Variants in PPARGC1B observed in about 807,000 individuals in gnomAD.
PPARGC1B encodes the protein PPARG coactivator 1 beta, also known as peroxisome proliferator-activated receptor gamma coactivator 1-beta.
Under a neutral mutation model 101.6 loss-of-function variants are expected in PPARGC1B, and 34 were observed. The ratio of observed to expected loss-of-function variants is 0.33; its 90% CI spans 0.25 to 0.45. PPARGC1B has a LOEUF of 0.45. Ranked by LOEUF, PPARGC1B falls within the 20% of genes least tolerant of loss-of-function variation. The pLI is 1.00. For synonymous variants in PPARGC1B, 548 were observed against 539.3 expected (o/e 1.02, Z -0.22); for missense variants, 1,234 against 1,317.6 (o/e 0.94, Z 0.98).
intron 1 of PPARGC1B, among the ~76,000 whole-genome samples, chr5:149,814,903 G>A (rs1757995879): frequency 1.3e-5 from 2 of 152,236 alleles, no homozygotes; most frequent in Admixed American, 1.3e-4. Flanking sequence ...ACGTTGAGGG[G>A]CCAGAGAGGC....
In PPARGC1B at chr5:149,854,729, T is replaced by G. The variant is rs1215856557; in HGVS notation, c.*7171T>G. Reference sequence around the variant, plus strand: ...TCTGGTGTGATTTCTCTGTCTTACCTTCTAAATGAGAAAATGTTTTCTTGT... The same window carrying G: ...TCTGGTGTGATTTCTCTGTCTTACCGTCTAAATGAGAAAATGTTTTCTTGT... On this transcript the variant is annotated 3_prime_UTR_variant, in exon 12 of 12. Coordinates refer to ENST00000309241, the MANE Select transcript of PPARGC1B (RefSeq NM_133263.4). 4 of 152,228 alleles carry G rather than the reference T, an allele frequency of 2.6e-5. No homozygotes were observed. The highest frequency in any genetic ancestry group is 5.9e-5 in the Non-Finnish European group (4 of 68,042). The allele number at this position is 152,228 out of a possible 1,614,324, so 9.4% of individuals were successfully genotyped here. A position where few individuals can be genotyped will look rare whatever the true frequency, so the allele number is the denominator to read the frequency against.
rs759422950 is a variant in PPARGC1B, at chr5:149,826,740, A to G, written c.320A>G (p.Asp107Gly). Reference protein sequence around the residue: ...TKTLDDIPEDDVGLAAFPALD... With the variant: ...TKTLDDIPEDGVGLAAFPALD... ...ACCCTGGATGACATCCCTGAAGATG[A>G]CGTGGGTCTGGCTGCCTTCCCAGCC... is the stretch of plus-strand genomic sequence containing the variant. The change falls in exon 3 of 12, where the codon GAC becomes GGC. Residue 107 changes from aspartate to glycine, a missense_variant. By Grantham distance (94) the Asp-to-Gly change is moderately conservative. Transcript: ENST00000309241. 1.2e-6 allele frequency: 2 copies of G among 1,614,042 alleles called. No homozygotes were observed. The highest frequency in any genetic ancestry group is 1.1e-5 in the South Asian group (1 of 91,080).
intron 1 of PPARGC1B, among the ~76,000 whole-genome samples, chr5:149,803,767 C>T (rs1757506455): frequency 6.6e-6 from 1 of 152,154 alleles, no homozygotes; most frequent in Non-Finnish European, 1.5e-5. Flanking sequence ...AGTGTGGAAA[C>T]GTGTGATTCA....
chr5:149,814,370 C>G (rs189892426), intron 1 of PPARGC1B, among the ~76,000 whole-genome samples: 15 of 152,294 alleles, frequency 9.8e-5, no homozygotes, highest in African/African-American at 2.6e-4. Context: ...GTGTTTCCCC[C>G]CTATGTGGAT....
intron 6 of PPARGC1B, 119 bp downstream of exon 6, chr5:149,834,829 TG>T: frequency 2.4e-6 from 2 of 850,558 alleles, no homozygotes; most frequent in Non-Finnish European, 3.8e-6. Flanking sequence ...CCACACCCTG[TG>T]CCCTGATTGT....
chr5:149,801,900 T>A (rs1277905732), intron 1 of PPARGC1B, among the ~76,000 whole-genome samples: 1 of 152,212 alleles, frequency 6.6e-6, no homozygotes, highest in Non-Finnish European at 1.5e-5. Flanking sequence ...TGATGGCCAT[T>A]GTCTTTTGAG....
chr5:149,750,453 A>AATATATATATATATATATATATATATAT (rs55971526), intron 1 of PPARGC1B, among the ~76,000 whole-genome samples: 81 of 123,166 alleles, frequency 6.6e-4, no homozygotes, highest in East Asian at 1.0e-3. Flanking sequence ...TTTTAGTTAA[A>AATATATATATATATATATATATATATAT]ATATATATAT....
At chr5:149,819,020 G>A (rs1758167937) in intron 1 of PPARGC1B, among the ~76,000 whole-genome samples, 1 of 152,220 alleles carries the variant, frequency 6.6e-6, no homozygotes, top group South Asian at 2.1e-4. Flanking sequence ...TTCTGAATCT[G>A]TAGGGCAGTT....
chr5:149,732,238 G>A (rs955760572), intron 1 of PPARGC1B, among the ~76,000 whole-genome samples: 1 of 152,174 alleles, frequency 6.6e-6, no homozygotes, highest in East Asian at 1.9e-4. Context: ...TGGGGCTAGC[G>A]GGCACTGAGT....
At chr5:149,839,742 CT>C (rs756964710) in intron 8 of PPARGC1B, among the ~76,000 whole-genome samples, 1 of 152,148 alleles carries the variant, frequency 6.6e-6, no homozygotes. Context: ...TTTTCTACCC[CT>C]AATGGCATAG....
chr5:149,738,146 G>A (rs1240131028), intron 1 of PPARGC1B, among the ~76,000 whole-genome samples: 3 of 152,292 alleles, frequency 2.0e-5, no homozygotes, highest in South Asian at 2.1e-4. Context: ...ACTCCTGGAC[G>A]TTAAGCTCCA....
At chr5:149,811,332 T>G (rs1481137306) in intron 1 of PPARGC1B, among the ~76,000 whole-genome samples, 2 of 152,232 alleles carry the variant, frequency 1.3e-5, no homozygotes, top group African/African-American at 4.8e-5. Context: ...TCTTTTACCA[T>G]GAACTCATTC....
chr5:149,765,447 C>G (rs577314777), intron 1 of PPARGC1B, among the ~76,000 whole-genome samples: 2 of 152,142 alleles, frequency 1.3e-5, no homozygotes, highest in East Asian at 1.9e-4. Flanking sequence ...TAGGTTTACT[C>G]CTAGTCGAGA....
intron 1 of PPARGC1B, among the ~76,000 whole-genome samples, chr5:149,734,258 G>C (rs1330282460): frequency 2.7e-5 from 4 of 146,528 alleles, no homozygotes; most frequent in African/African-American, 1.0e-4. Context: ...GGAGGCGGAG[G>C]TTGCAGTGAG....
chr5:149,792,722 C>A (rs1398166246), intron 1 of PPARGC1B, among the ~76,000 whole-genome samples: 1 of 152,102 alleles, frequency 6.6e-6, no homozygotes, highest in Non-Finnish European at 1.5e-5. Flanking sequence ...TAGGATGCAG[C>A]CTTGTTCCGT....
chr5:149,797,550 T>C (rs985329794), intron 1 of PPARGC1B, among the ~76,000 whole-genome samples: 2 of 152,226 alleles, frequency 1.3e-5, no homozygotes, highest in African/African-American at 4.8e-5. Context: ...CCATAACAGA[T>C]TCTTTTTTTA....
At chr5:149,738,210 T>C (rs1435344986) in intron 1 of PPARGC1B, among the ~76,000 whole-genome samples, 1 of 151,866 alleles carries the variant, frequency 6.6e-6, no homozygotes, top group Non-Finnish European at 1.5e-5. Flanking sequence ...CCATAATGAA[T>C]AGATCAGTGC....
rs542564101 is a variant in PPARGC1B, at chr5:149,817,074, C to T, written c.79-3359C>T. ...AGCTGCAGCCTCACTGACCTCAACG[C>T]CTTGTGCCTTGGGCTCAGTCCCCAC... On this transcript the variant is annotated intron_variant, in intron 1 of 11. Coordinates refer to ENST00000309241, the MANE Select transcript of PPARGC1B (RefSeq NM_133263.4). Among the ~76,000 whole-genome samples, 3 of 152,294 alleles carry T rather than the reference C, an allele frequency of 2.0e-5. No homozygotes were observed. In the East Asian group the frequency reaches 5.8e-4, roughly 30 times the overall value.
At chr5:149,791,900 A>G (rs1268717449) in intron 1 of PPARGC1B, among the ~76,000 whole-genome samples, 1 of 152,200 alleles carries the variant, frequency 6.6e-6, no homozygotes, top group East Asian at 1.9e-4. Context: ...CATTTATTCA[A>G]CAAACACTGG....
Sources: gnomAD v4.1 joint callset for allele counts (sites outside exome capture counted in the v4.1 genomes callset) on GRCh38, gnomAD v4.1.1 for gene constraint, MANE v1.5 for transcripts, NCBI Gene and HGNC (gene_info 2026-07-23, HGNC 2026-07-21) for gene names.